The following WWOX variants were observed in gnomAD, a reference collection of about 807,000 sequenced individuals.
WWOX encodes WW domain containing oxidoreductase, also known as WW domain-containing oxidoreductase.
Under a neutral mutation model 46.2 loss-of-function variants are expected in WWOX, and 69 were observed. The ratio of observed to expected loss-of-function variants is 1.49; its 90% CI spans 1.23 to 1.82. The LOEUF is 1.82. WWOX is among the 40% of genes most tolerant of loss of function. The pLI is 0.00. For synonymous variants in WWOX, 359 were observed against 202.6 expected, an observed-to-expected ratio of 1.77 and a Z score of -6.56; for missense variants, 919 against 542.6, an observed-to-expected ratio of 1.69 and a Z score of -6.89.
chr16:78,304,015 C>T (rs2080089855), intron 5 of WWOX, among the ~76,000 whole-genome samples: 1 of 152,238 alleles, frequency 6.6e-6, no homozygotes, highest in South Asian at 2.1e-4. Flanking sequence ...CCTGAGGTTT[C>T]AGCCAAGGAG....
At chr16:78,590,135 T>G (rs1314226651) in intron 8 of WWOX, among the ~76,000 whole-genome samples, 1 of 107,094 alleles carries the variant, frequency 9.3e-6, no homozygotes, top group Non-Finnish European at 2.0e-5. Context: ...CTGATAGATA[T>G]TAGGCATTCA....
chr16:79,185,967 C>T (rs184307675), intron 8 of WWOX, among the ~76,000 whole-genome samples: 2 of 149,554 alleles, frequency 1.3e-5, no homozygotes, highest in Admixed American at 6.7e-5. Flanking sequence ...TGTGTGCATG[C>T]GTGTGTGTGT....
At chr16:79,092,971 A>G (rs1261556419) in intron 8 of WWOX, among the ~76,000 whole-genome samples, 2 of 152,166 alleles carry the variant, frequency 1.3e-5, no homozygotes, top group African/African-American at 4.8e-5. Flanking sequence ...GTTAGGTTGG[A>G]GCAAAAGTAA....
intron 8 of WWOX, among the ~76,000 whole-genome samples, chr16:78,888,851 A>T (rs376166389): frequency 6.6e-6 from 1 of 152,068 alleles, no homozygotes; most frequent in Non-Finnish European, 1.5e-5. Flanking sequence ...CTATGTCTCA[A>T]GACTGCCCAG....
chr16:78,660,030 C>G (rs1481852234), intron 8 of WWOX, among the ~76,000 whole-genome samples: 4 of 152,172 alleles, frequency 2.6e-5, no homozygotes, highest in African/African-American at 7.2e-5. Flanking sequence ...TATTTTACCT[C>G]AAAGCAAACA....
At chr16:78,608,168 G>C (rs2045809200) in intron 8 of WWOX, among the ~76,000 whole-genome samples, 1 of 152,054 alleles carries the variant, frequency 6.6e-6, no homozygotes, top group African/African-American at 2.4e-5. Context: ...CCATGCCACG[G>C]GGCCCTTCCT....
intron 8 of WWOX, among the ~76,000 whole-genome samples, chr16:79,042,052 G>A (rs1478295977): frequency 6.6e-6 from 1 of 152,098 alleles, no homozygotes; most frequent in Non-Finnish European, 1.5e-5. Context: ...ATTTTGGAGG[G>A]AAACTGATTA....
At chr16:78,775,234 G>A (rs760912684) in intron 8 of WWOX, among the ~76,000 whole-genome samples, 3 of 152,226 alleles carry the variant, frequency 2.0e-5, no homozygotes, top group Middle Eastern at 6.8e-3. Context: ...ACTGTATTCA[G>A]CCCGGCCAAT....
chr16:78,144,471 A>ATG lies in WWOX; in HGVS notation c.410-19711_410-19710insGT, dbSNP rs2034113723. Among the ~76,000 whole-genome samples, 6 of 33,586 alleles carry ATG rather than the reference A, an allele frequency of 1.8e-4. 1 individual carries two copies. The highest frequency in any genetic ancestry group is 0.019 in the Middle Eastern group (2 of 104). 22.0% of individuals were successfully genotyped at this position (33,586 alleles called of 152,430 possible). Reference sequence around the variant, plus strand: ...TACACATATATATATATACACACATATATATATATATATATACACACACAC... The same window carrying ATG: ...TACACATATATATATATACACACATATGTATATATATATATATACACACACAC... On this transcript the variant is annotated intron_variant, in intron 4 of 8. Coordinates refer to ENST00000566780, the MANE Select transcript of WWOX (RefSeq NM_016373.4).
intron 8 of WWOX, among the ~76,000 whole-genome samples, chr16:78,442,923 C>G (rs1007327915): frequency 6.6e-6 from 1 of 151,968 alleles, no homozygotes; most frequent in Non-Finnish European, 1.5e-5. Flanking sequence ...GAGATTGAGA[C>G]CATCCTAGCT....
intron 4 of WWOX, among the ~76,000 whole-genome samples, chr16:78,147,890 A>C (rs1426427577): frequency 6.6e-6 from 1 of 151,754 alleles, no homozygotes; most frequent in Non-Finnish European, 1.5e-5. Flanking sequence ...TATGTTGCCA[A>C]GAGGGATCAC....
chr16:78,435,580 T>A (rs975831780), intron 8 of WWOX, among the ~76,000 whole-genome samples: 8 of 152,042 alleles, frequency 5.3e-5, no homozygotes, highest in African/African-American at 7.2e-5. Context: ...AAATCCCAGG[T>A]TTTGTTGAAG....
intron 8 of WWOX, among the ~76,000 whole-genome samples, chr16:78,578,284 AT>A (rs1172203878): frequency 2.9e-4 from 6 of 20,840 alleles, no homozygotes; most frequent in African/African-American, 6.8e-4. Context: ...ATATATATAT[AT>A]TTTTTTTTTT....
At chr16:78,971,939 G>A (rs944584944) in intron 8 of WWOX, among the ~76,000 whole-genome samples, 2 of 152,218 alleles carry the variant, frequency 1.3e-5, no homozygotes, top group African/African-American at 4.8e-5. Flanking sequence ...TCCATCGGGA[G>A]CCTCAGGCGC....
Position 78,751,797 on chromosome 16 carries a change from A to G in WWOX, c.1056+319045A>G, listed in dbSNP as rs116697008. 4.9e-3 allele frequency among the ~76,000 whole-genome samples: 736 copies of G among 151,746 alleles called. 4 individuals carry two copies. The highest frequency in any genetic ancestry group is 0.016 in the African/African-American group (669 of 41,390). On this transcript the variant is annotated intron_variant, in intron 8 of 8. Transcript: ENST00000566780. ...AGGAGGGAGGGAGGGAAAGAGAGAG[A>G]GAGAAAAGGAAGAGAAAGGATTTTC...
chr16:78,221,584 A>G (rs561491451), intron 5 of WWOX, among the ~76,000 whole-genome samples: 1 of 152,330 alleles, frequency 6.6e-6, no homozygotes, highest in South Asian at 2.1e-4. Context: ...AGTAGATAAG[A>G]AAAACAAATC....
intron 8 of WWOX, among the ~76,000 whole-genome samples, chr16:78,833,084 C>T (rs952774137): frequency 6.6e-6 from 1 of 150,868 alleles, no homozygotes; most frequent in Non-Finnish European, 1.5e-5. Context: ...CTCTTTTGCC[C>T]AGGCTGCAGT....
At chr16:78,621,945 C>G (rs1420788803) in intron 8 of WWOX, among the ~76,000 whole-genome samples, 1 of 151,948 alleles carries the variant, frequency 6.6e-6, no homozygotes, top group Non-Finnish European at 1.5e-5. Flanking sequence ...ACAGGTTTGT[C>G]TTTGAAATTG....
chr16:78,433,155 C>T (rs1422011279), intron 8 of WWOX, among the ~76,000 whole-genome samples: 2 of 152,102 alleles, frequency 1.3e-5, no homozygotes, highest in Non-Finnish European at 2.9e-5. Flanking sequence ...ACTGAATTTT[C>T]AGCAGATGTG....
Sources: allele counts gnomAD v4.1 joint callset (sites outside exome capture counted in the v4.1 genomes callset), GRCh38; gene constraint gnomAD v4.1.1; transcripts MANE v1.5; gene names NCBI Gene and HGNC (gene_info 2026-07-23, HGNC 2026-07-21).